CSMD1: variants seen among roughly 807,000 people sequenced by gnomAD.
The protein encoded by CSMD1 is CUB and sushi domain-containing protein 1.
A neutral mutation model predicts 417.5 loss-of-function variants in CSMD1; 213 were observed. The observed-to-expected ratio is 0.51, with a 90% CI of 0.46 to 0.57. The LOEUF is 0.57. Ranked by LOEUF, CSMD1 falls within the 20% of genes least tolerant of loss-of-function variation. The probability of loss-of-function intolerance (pLI) is 0.00; values close to 1 mark genes in which losing one functional copy is unlikely to be tolerated. For missense variants in CSMD1, 6,923 were observed against 4,529.7 expected (o/e 1.53, Z -15.17); for synonymous variants, 2,862 against 1,736.8 (o/e 1.65, Z -16.11).
intron 63 of CSMD1, among the ~76,000 whole-genome samples, chr8:2,957,099 C>T (rs746706907): frequency 6.6e-5 from 10 of 152,040 alleles, no homozygotes; most frequent in Non-Finnish European, 1.2e-4. Flanking sequence ...AATTCACATA[C>T]TACTCATCCA....
At chr8:4,702,875 A>T (rs750299286) in intron 1 of CSMD1, among the ~76,000 whole-genome samples, 63 of 152,296 alleles carry the variant, frequency 4.1e-4, no homozygotes, top group Non-Finnish European at 7.6e-4. Flanking sequence ...AAATTATTTA[A>T]AAGTCTCTAA....
At chr8:4,672,111 G>T (rs964514329) in intron 1 of CSMD1, among the ~76,000 whole-genome samples, 1 of 152,154 alleles carries the variant, frequency 6.6e-6, no homozygotes, top group Non-Finnish European at 1.5e-5. Flanking sequence ...GACAGGACCT[G>T]GTCACTGATC....
intron 10 of CSMD1, among the ~76,000 whole-genome samples, chr8:3,523,798 C>T (rs556971990): frequency 1.0e-3 from 155 of 151,360 alleles, no homozygotes; most frequent in African/African-American, 3.6e-3. Context: ...CATATGCACA[C>T]ATGTGCACAT....
At chr8:3,095,174 C>A (rs951752706) in intron 47 of CSMD1, among the ~76,000 whole-genome samples, 1 of 152,108 alleles carries the variant, frequency 6.6e-6, no homozygotes, top group African/African-American at 2.4e-5. Flanking sequence ...AAAGAACATG[C>A]ATAAGTTCAA....
chr8:4,459,616 C>A (rs753767243), intron 2 of CSMD1, among the ~76,000 whole-genome samples: 1 of 152,130 alleles, frequency 6.6e-6, no homozygotes, highest in South Asian at 2.1e-4. Flanking sequence ...AGAAGAAGAT[C>A]GCATTGTGGG....
chr8:3,299,334 C>T (rs1003752464), intron 25 of CSMD1, among the ~76,000 whole-genome samples: 1 of 152,102 alleles, frequency 6.6e-6, no homozygotes, highest in Non-Finnish European at 1.5e-5. Flanking sequence ...CACCTGTAAT[C>T]CCAGCTACTC....
chr8:4,567,106 G>A (rs1007861276), intron 2 of CSMD1, among the ~76,000 whole-genome samples: 2 of 138,522 alleles, frequency 1.4e-5, no homozygotes, highest in African/African-American at 7.0e-5. Context: ...AAAATGTATG[G>A]CTTTGAAAAT....
chr8:4,104,414 G>A (rs1038710730), intron 3 of CSMD1, among the ~76,000 whole-genome samples: 3 of 148,798 alleles, frequency 2.0e-5, no homozygotes, highest in Non-Finnish European at 3.0e-5. Flanking sequence ...ACATGCACAC[G>A]CACACACACA....
At chr8:3,303,184 C>CCTGT (rs1480645170) in intron 25 of CSMD1, among the ~76,000 whole-genome samples, 5 of 152,156 alleles carry the variant, frequency 3.3e-5, no homozygotes, top group Admixed American at 2.0e-4. Flanking sequence ...ACCTTTCTGT[C>CCTGT]CTGTCAGGAA....
chr8:4,258,014 C>CATTTATT, intron 3 of CSMD1, among the ~76,000 whole-genome samples: 1 of 152,108 alleles, frequency 6.6e-6, no homozygotes, highest in South Asian at 2.1e-4. Context: ...AAACAACAGA[C>CATTTATT]ATTTATTTCT....
chr8:4,211,719 G>A (rs1326523807), intron 3 of CSMD1, among the ~76,000 whole-genome samples: 1 of 152,210 alleles, frequency 6.6e-6, no homozygotes, highest in Non-Finnish European at 1.5e-5. Flanking sequence ...ACCTGACTTT[G>A]CAAGTGGGGA....
rs1800583135 is a variant in CSMD1 at position 3,586,001 on chromosome 8, C to T, written c.1222+135G>A. On this transcript the variant is annotated intron_variant, in intron 9 of 69. Coordinates refer to ENST00000635120, the MANE Select transcript of CSMD1 (RefSeq NM_033225.6). ...GAAAGGTTTCTGTTATTACCCACAT[C>T]ACTATGAAAACATACATTACTACCG... The T allele has an allele frequency of 3.4e-5, 29 of 860,522 alleles. No individual in the cohort carries two copies. The East Asian group carries it at 8.0e-4, about 24-fold the overall frequency. 53.3% of individuals were successfully genotyped at this position (860,522 alleles called of 1,614,324 possible).
intron 1 of CSMD1, among the ~76,000 whole-genome samples, chr8:4,714,549 A>G (rs1808521602): frequency 6.6e-6 from 1 of 152,202 alleles, no homozygotes; most frequent in African/African-American, 2.4e-5. Context: ...AGAAGGCCCA[A>G]AGAGAAGTCG....
intron 5 of CSMD1, among the ~76,000 whole-genome samples, chr8:3,815,012 G>C (rs779127178): frequency 2.0e-5 from 3 of 152,152 alleles, no homozygotes; most frequent in African/African-American, 7.2e-5. Context: ...TAGTTACATA[G>C]AGACTAAACT....
intron 10 of CSMD1, among the ~76,000 whole-genome samples, chr8:3,524,756 A>C (rs1336669238): frequency 1.3e-5 from 2 of 151,948 alleles, no homozygotes; most frequent in African/African-American, 2.4e-5. Context: ...ATGTGCACAC[A>C]CACATGCACA....
chr8:4,354,081 C>G (rs7007886), intron 3 of CSMD1, among the ~76,000 whole-genome samples: 145,560 of 152,296 alleles, frequency 0.96, 69,625 homozygotes, highest in East Asian at 1. Context: ...ATCTGCATGG[C>G]AATATTGCTT....
At chr8:3,980,368 G>A (rs1813757471) in intron 5 of CSMD1, among the ~76,000 whole-genome samples, 1 of 142,162 alleles carries the variant, frequency 7.0e-6, no homozygotes, top group Non-Finnish European at 1.6e-5. Context: ...CTTTAACGCG[G>A]TATTTTAAGT....
Position 3,194,923 on chromosome 8 carries a change from G to C in CSMD1, c.5194+4791C>G, listed in dbSNP as rs191350911. 4.2e-4 allele frequency among the ~76,000 whole-genome samples: 64 copies of C among 152,186 alleles called. 1 individual carries two copies. The highest frequency in any genetic ancestry group is 1.5e-3 in the African/African-American group (64 of 41,548). On this transcript the variant is annotated intron_variant, in intron 33 of 69. Transcript: ENST00000635120. Reference sequence around the variant, plus strand: ...GAACCCAGGTTAGAGATGGTGACCCGGAAAACATGACTTGAAAAAGTCCTG... The same window carrying C: ...GAACCCAGGTTAGAGATGGTGACCCCGAAAACATGACTTGAAAAAGTCCTG...
intron 5 of CSMD1, among the ~76,000 whole-genome samples, chr8:3,834,689 T>C (rs947450255): frequency 2.6e-5 from 4 of 152,084 alleles, no homozygotes; most frequent in East Asian, 1.9e-4. Context: ...GAACGTGTAG[T>C]TGGTGTCAAA....
Sources: gnomAD v4.1 joint callset for allele counts (sites outside exome capture counted in the v4.1 genomes callset) on GRCh38, gnomAD v4.1.1 for gene constraint, MANE v1.5 for transcripts, NCBI Gene and HGNC (gene_info 2026-07-23, HGNC 2026-07-21) for gene names.